The following SLC5A7 variants were observed in gnomAD, a reference collection of about 807,000 sequenced individuals.
The protein encoded by SLC5A7 is solute carrier family 5 member 7.
SLC5A7 carries 19 observed loss-of-function variants against 55.4 expected under a neutral mutation model. The observed-to-expected ratio is 0.34, with a 90% CI of 0.24 to 0.50. SLC5A7 has a LOEUF of 0.50. Ranked by LOEUF, SLC5A7 falls within the 20% of genes least tolerant of loss-of-function variation. The pLI is 0.98. For missense variants in SLC5A7, 506 were observed against 705.3 expected (o/e 0.72, Z 3.20); for synonymous variants, 265 against 263.7 (o/e 1.00, Z -0.05).
rs759833850 is a variant in SLC5A7, at chr2:108,010,364, G to A, written c.1246G>A (p.Val416Ile). 6.4e-5 allele frequency: 104 copies of A among 1,613,742 alleles called. No homozygotes were observed. Among genetic ancestry groups the A allele is most frequent in the East Asian group, 4.5e-4 (20 of 44,876 alleles). ...CCTCAGTTCTGACCTTGTTTACATC[G>A]TTATCTTCCCCCAGCTGCTTTGTGT... ...WYLSSDLVYI[V>I]IFPQLLCVLF... Residue 416 changes from valine to isoleucine, a missense_variant, in exon 9 of 9, where the codon GTT becomes ATT. Around this residue, in one of 4 missense-constraint regions of SLC5A7, gnomAD observed 309 missense variants for 478.6 expected, o/e 0.65. Coordinates refer to ENST00000264047, the MANE Select transcript of SLC5A7 (RefSeq NM_021815.5).
In SLC5A7 at chr2:107,988,656, T is replaced by A. The variant is rs531384743; in HGVS notation, c.178+323T>A. On this transcript the variant is annotated intron_variant, in intron 2 of 8. Coordinates refer to ENST00000264047, the MANE Select transcript of SLC5A7 (RefSeq NM_021815.5). ...ACAAAGAGGTGGGGGAATGGGAAGCTGTCCTAGTATTACAAGCTATGTATC... is the reference window on the plus strand; with the variant it reads ...ACAAAGAGGTGGGGGAATGGGAAGCAGTCCTAGTATTACAAGCTATGTATC... Among the ~76,000 whole-genome samples, 4 of 152,270 alleles carry A rather than the reference T, an allele frequency of 2.6e-5. No individual in the cohort carries two copies. In the South Asian group the frequency reaches 8.3e-4, roughly 32 times the overall value.
intron 4 of SLC5A7, among the ~76,000 whole-genome samples, 166 bp downstream of exon 4, chr2:107,993,293 C>A (rs1325436551): frequency 1.3e-5 from 2 of 152,160 alleles, no homozygotes; most frequent in African/African-American, 4.8e-5. Flanking sequence ...CGTTTACTTG[C>A]AATATGGTGG....
chr2:108,009,188 C>T (rs1678224513), intron 8 of SLC5A7, among the ~76,000 whole-genome samples: 1 of 152,058 alleles, frequency 6.6e-6, no homozygotes. Flanking sequence ...AAACAGCATG[C>T]TTCTTGGTTG....
In SLC5A7 at chr2:108,013,542, T is replaced by C. The variant is rs1678420645; in HGVS notation, c.*2681T>C. On this transcript the variant is annotated 3_prime_UTR_variant, in exon 9 of 9. Coordinates refer to ENST00000264047, the MANE Select transcript of SLC5A7 (RefSeq NM_021815.5). ...TTTGTACCCATCATGTGCTCTGTTT[T>C]GACATAATGAGTAATGCAGACATTT... The C allele has an allele frequency of 6.6e-6, 1 of 152,172 alleles. No homozygotes were observed. Among genetic ancestry groups the C allele is most frequent in the African/African-American group, 2.4e-5 (1 of 41,454 alleles). The allele number at this position is 152,172 out of a possible 1,614,324, so 9.4% of individuals were successfully genotyped here.
At chr2:107,992,911 A>G in intron 3 of SLC5A7, 61 bp from the exon 4 acceptor site, 1 of 1,563,102 alleles carries the variant, frequency 6.4e-7, no homozygotes, top group Admixed American at 1.8e-5. Flanking sequence ...ATGGCAGCAT[A>G]GTAAAAGACT....
intron 4 of SLC5A7, among the ~76,000 whole-genome samples, chr2:107,994,626 AC>A (rs1008847364): frequency 6.6e-6 from 1 of 152,074 alleles, no homozygotes; most frequent in Non-Finnish European, 1.5e-5. Flanking sequence ...AAAATGCTGC[AC>A]TTCTCTGGTG....
chr2:108,000,736 G>A (rs902716566), intron 5 of SLC5A7, among the ~76,000 whole-genome samples: 51 of 151,774 alleles, frequency 3.4e-4, no homozygotes, highest in Admixed American at 7.9e-4. Flanking sequence ...CTGGGACTAC[G>A]GGTGTGCACC....
chr2:107,998,435 CA>C (rs972980987), intron 5 of SLC5A7, among the ~76,000 whole-genome samples: 15 of 152,140 alleles, frequency 9.9e-5, no homozygotes, highest in African/African-American at 3.4e-4. Flanking sequence ...TATTAATCAT[CA>C]CTATTTGTGG....
rs1678430301 is a variant in SLC5A7, at chr2:108,013,817, A to T, written c.*2956A>T. The T allele has an allele frequency of 6.6e-6, 1 of 152,156 alleles. No homozygotes were observed. Among genetic ancestry groups the T allele is most frequent in the Non-Finnish European group, 1.5e-5 (1 of 68,014 alleles). 9.4% of individuals were successfully genotyped at this position (152,156 alleles called of 1,614,324 possible). A position where few individuals can be genotyped will look rare whatever the true frequency, so the allele number is the denominator to read the frequency against. On this transcript the variant is annotated 3_prime_UTR_variant, in exon 9 of 9. Transcript: ENST00000264047. Reference sequence around the variant, plus strand: ...TCAGCAAGCTTGTAGCTGGACTGCAATATCAACAACAAGTTGTTTCAAACA... The same window carrying T: ...TCAGCAAGCTTGTAGCTGGACTGCATTATCAACAACAAGTTGTTTCAAACA...
chr2:107,992,049 A>T (rs1677472206), intron 2 of SLC5A7, 57 bp from the exon 3 acceptor site: 1 of 1,064,536 alleles, frequency 9.4e-7, no homozygotes, highest in Admixed American at 1.9e-5. Context: ...TTTGGCAGGC[A>T]GATGTAGGTA....
intron 8 of SLC5A7, 82 bp downstream of exon 8, chr2:108,008,764 T>A (rs919145028): frequency 3.3e-6 from 3 of 905,240 alleles, no homozygotes; most frequent in Middle Eastern, 7.2e-4. Flanking sequence ...ATATACAGTA[T>A]TATATATTTA....
intron 3 of SLC5A7, among the ~76,000 whole-genome samples, 159 bp downstream of exon 3, chr2:107,992,378 CAGA>C (rs1437227454): frequency 6.6e-6 from 1 of 152,132 alleles, no homozygotes; most frequent in Non-Finnish European, 1.5e-5. Flanking sequence ...TGGTAAGTAG[CAGA>C]ACACTAATGC....
chr2:107,995,470 A>T (rs2556294), intron 4 of SLC5A7, among the ~76,000 whole-genome samples: 29,445 of 136,996 alleles, frequency 0.21, 3,366 homozygotes, highest in African/African-American at 0.27. Flanking sequence ...AGAGAGAGAG[A>T]GTGTGTGTGT....
At chr2:107,992,280 A>G in intron 3 of SLC5A7, 61 bp downstream of exon 3, 1 of 975,010 alleles carries the variant, frequency 1.0e-6, no homozygotes, top group Non-Finnish European at 1.6e-6. Flanking sequence ...AAGAGTATAA[A>G]TAACAAGTGG....
At chr2:107,999,281 A>G (rs1045394252) in intron 5 of SLC5A7, among the ~76,000 whole-genome samples, 1 of 152,250 alleles carries the variant, frequency 6.6e-6, no homozygotes, top group Non-Finnish European at 1.5e-5. Context: ...AAAATAGGGA[A>G]CATAGAAATA....
chr2:107,998,174 T>C (rs1245418699), intron 5 of SLC5A7, among the ~76,000 whole-genome samples, 188 bp downstream of exon 5: 1 of 152,220 alleles, frequency 6.6e-6, no homozygotes, highest in Non-Finnish European at 1.5e-5. Context: ...TGATAAAATT[T>C]GACAGAAAAG....
Position 108,010,611 on chromosome 2 carries a change from C to A in SLC5A7, c.1493C>A (p.Ala498Asp). 6.2e-7 allele frequency: 1 copy of A among 1,613,942 alleles called. No individual in the cohort carries two copies. The highest frequency in any genetic ancestry group is 8.5e-7 in the Non-Finnish European group (1 of 1,179,940). Residue 498 changes from alanine (A) to aspartate (D), a missense_variant, in exon 9 of 9, where the codon GCC becomes GAC. Physicochemically the swap from Ala to Asp is moderately radical, Grantham distance 126. This residue lies in a region of SLC5A7 where 137 missense variants were observed against 143.6 expected (regional missense o/e 0.95). Transcript: ENST00000264047. ...ACCAACATTTGCATCTCCTATCTAGCCAAGTATCTATTTGAAAGTGGAACC... is the reference window on the plus strand; with the variant it reads ...ACCAACATTTGCATCTCCTATCTAGACAAGTATCTATTTGAAAGTGGAACC... ...FLTNICISYL[A>D]KYLFESGTLP...
Position 107,988,247 on chromosome 2 carries a change from A to G in SLC5A7, c.92A>G (p.Asn31Ser). The change falls in exon 2 of 9, where the codon AAC (asparagine) becomes AGC (serine). Residue 31 changes from asparagine (N) to serine (S), a missense_variant. Asn to Ser is a conservative substitution (Grantham distance 46, BLOSUM62 1). Coordinates refer to ENST00000264047, the MANE Select transcript of SLC5A7 (RefSeq NM_021815.5). Reference sequence around the variant, plus strand: ...ATATGGGCTGCCTGGAGAACCAAAAACAGTGGCAGCGCAGAAGAGCGCAGC... The same window carrying G: ...ATATGGGCTGCCTGGAGAACCAAAAGCAGTGGCAGCGCAGAAGAGCGCAGC... Reference protein sequence around the residue: ...VGIWAAWRTKNSGSAEERSEA... With the variant: ...VGIWAAWRTKSSGSAEERSEA... The G allele has an allele frequency of 6.2e-7, 1 of 1,614,186 alleles. No individual in the cohort carries two copies. Among genetic ancestry groups the G allele is most frequent in the Non-Finnish European group, 8.5e-7 (1 of 1,180,002 alleles).
At chr2:107,987,690 C>A (rs1677300904) in intron 1 of SLC5A7, among the ~76,000 whole-genome samples, 1 of 152,112 alleles carries the variant, frequency 6.6e-6, no homozygotes, top group South Asian at 2.1e-4. Context: ...ATTTATGAAA[C>A]ACTTAACACT....
Sources: gnomAD v4.1 joint callset for allele counts (sites outside exome capture counted in the v4.1 genomes callset) on GRCh38, gnomAD v4.1.1 for gene constraint, gnomAD v4.1.1 regional missense constraint, MANE v1.5 for transcripts, NCBI Gene and HGNC (gene_info 2026-07-23, HGNC 2026-07-21) for gene names.